Variants in RGS6 observed in about 807,000 individuals in gnomAD.
The protein encoded by RGS6 is regulator of G-protein signaling 6.
In RGS6, 30 loss-of-function variants were observed where a neutral mutation model predicts 78.5. The ratio of observed to expected loss-of-function variants is 0.38; its 90% confidence interval spans 0.29 to 0.52. The LOEUF (loss-of-function observed/expected upper bound fraction) is 0.52, where lower values mean the gene tolerates loss of function less well. RGS6 is among the 20% of genes least tolerant of loss of function. The pLI is 0.85. For synonymous variants in RGS6, 206 were observed against 206.0 expected (o/e 1.00, Z 0.00); for missense variants, 495 against 609.7 (o/e 0.81, Z 1.98).
the RGS6 span, among the ~76,000 whole-genome samples, chr14:72,605,817 C>T: frequency 1.3e-5 from 2 of 152,326 alleles, no homozygotes; most frequent in Admixed American, 6.5e-5. Flanking sequence ...GTCATGGGAC[C>T]GAGGTGACCT....
intron 3 of RGS6, among the ~76,000 whole-genome samples, chr14:72,429,984 C>A (rs2094563241): frequency 6.6e-6 from 1 of 152,228 alleles, no homozygotes; most frequent in Non-Finnish European, 1.5e-5. Context: ...TTCTCTTTCA[C>A]CTTCTGCCAC....
chr14:72,048,605 G>A (rs2093028030), intron 2 of RGS6, among the ~76,000 whole-genome samples: 1 of 152,124 alleles, frequency 6.6e-6, no homozygotes, highest in Non-Finnish European at 1.5e-5. Context: ...CTTATCAGGG[G>A]TTCTTAAAGG....
chr14:72,149,323 T>C (rs868818027), intron 2 of RGS6, among the ~76,000 whole-genome samples: 1 of 152,296 alleles, frequency 6.6e-6, no homozygotes, highest in Middle Eastern at 3.4e-3. Flanking sequence ...CCCAGCCATA[T>C]TCAGGGTAAG....
At chr14:72,131,637 CAACT>C (rs1486609863) in intron 2 of RGS6, among the ~76,000 whole-genome samples, 1 of 152,116 alleles carries the variant, frequency 6.6e-6, no homozygotes, top group African/African-American at 2.4e-5. Context: ...AGGCAACAAC[CAACT>C]AACTGTGCCT....
At chr14:72,530,125 G>A (rs1389909168) in intron 15 of RGS6, among the ~76,000 whole-genome samples, 1 of 152,196 alleles carries the variant, frequency 6.6e-6, no homozygotes, top group East Asian at 1.9e-4. Context: ...GGGGAATTTG[G>A]TGCTGAGCCA....
At chr14:71,976,270 AATT>A (rs2094122650) in intron 2 of RGS6, among the ~76,000 whole-genome samples, 1 of 120,632 alleles carries the variant, frequency 8.3e-6, no homozygotes, top group South Asian at 2.5e-4. Context: ...TATTTTTTTT[AATT>A]ATTATACTTT....
intron 1 of RGS6, among the ~76,000 whole-genome samples, chr14:71,955,408 C>A (rs2092705529): frequency 6.6e-6 from 1 of 152,092 alleles, no homozygotes; most frequent in Admixed American, 6.5e-5. Flanking sequence ...TAATTCGGGG[C>A]AAGTCCGTAG....
At chr14:72,294,841 C>T (rs1981604) in intron 2 of RGS6, among the ~76,000 whole-genome samples, 10,220 of 152,194 alleles carry the variant, frequency 0.067, 516 homozygotes, top group East Asian at 0.3. Flanking sequence ...CACCTCTTAC[C>T]AGGCCCTATC....
chr14:72,267,404 C>T (rs1436930869), intron 2 of RGS6, among the ~76,000 whole-genome samples: 1 of 152,214 alleles, frequency 6.6e-6, no homozygotes, highest in Non-Finnish European at 1.5e-5. Context: ...GTAGCTGTGG[C>T]TGCTTTCACA....
chr14:72,353,055 T>C (rs2079448558), intron 3 of RGS6, among the ~76,000 whole-genome samples: 1 of 152,202 alleles, frequency 6.6e-6, no homozygotes, highest in Non-Finnish European at 1.5e-5. Context: ...CAAGTGGTGG[T>C]GAGCATGTGA....
chr14:72,326,926 C>G (rs1328982790), intron 2 of RGS6, among the ~76,000 whole-genome samples: 1 of 152,160 alleles, frequency 6.6e-6, no homozygotes, highest in Non-Finnish European at 1.5e-5. Flanking sequence ...CCAGGATGGT[C>G]TCAATCTCCT....
intron 2 of RGS6, among the ~76,000 whole-genome samples, chr14:72,332,566 A>G (rs1283061782): frequency 6.6e-6 from 1 of 152,138 alleles, no homozygotes; most frequent in Admixed American, 6.5e-5. Context: ...CTGGAAACCC[A>G]TCTGCCTCAT....
At chr14:72,200,470 G>A (rs761303788) in intron 2 of RGS6, among the ~76,000 whole-genome samples, 1 of 152,144 alleles carries the variant, frequency 6.6e-6, no homozygotes. Context: ...TTCTTCCAAG[G>A]GTGTTTGCAC....
chr14:72,406,957 A>G (rs757249086), intron 3 of RGS6, among the ~76,000 whole-genome samples: 5 of 152,228 alleles, frequency 3.3e-5, no homozygotes, highest in Non-Finnish European at 7.3e-5. Flanking sequence ...AGATATCTCC[A>G]TGTAACATTA....
chr14:72,258,958 A>G (rs1344540020), intron 2 of RGS6, among the ~76,000 whole-genome samples: 5 of 152,052 alleles, frequency 3.3e-5, no homozygotes, highest in Admixed American at 2.0e-4. Context: ...TGGAAACCTT[A>G]TTTTCTTTAA....
chr14:72,155,512 A>G (rs1455366272), intron 2 of RGS6, among the ~76,000 whole-genome samples: 1 of 152,204 alleles, frequency 6.6e-6, no homozygotes, highest in African/African-American at 2.4e-5. Flanking sequence ...CAATTGTGTC[A>G]TTTCAGGAGA....
intron 2 of RGS6, among the ~76,000 whole-genome samples, chr14:72,184,099 A>G (rs2097207583): frequency 6.6e-6 from 1 of 152,048 alleles, no homozygotes; most frequent in African/African-American, 2.4e-5. Context: ...TTGTCCCTAC[A>G]CCTTGCCTCT....
In RGS6 at chr14:72,310,461, G is replaced by GT. The variant is rs568935270; in HGVS notation, c.85-41629dup. 2.3e-4 allele frequency among the ~76,000 whole-genome samples: 35 copies of GT among 152,272 alleles called. 1 individual carries two copies. In the East Asian group the frequency reaches 6.8e-3, roughly 29 times the overall value. The stretch of plus-strand genomic sequence containing the variant: ...ATGTCTGCTGCCCATCCCTTAGAGT[G>GT]TTTTTCTTTGCTTTCTATTTAGTCA... On this transcript the variant is annotated intron_variant, in intron 2 of 17. Coordinates refer to ENST00000553525, the MANE Select transcript of RGS6 (RefSeq NM_001204424.2).
At chr14:71,876,473 C>CTTTTTTTTTTTTTTTTTT in the RGS6 span, among the ~76,000 whole-genome samples, 1 of 72,490 alleles carries the variant, frequency 1.4e-5, no homozygotes, top group Non-Finnish European at 2.5e-5. Flanking sequence ...GCAACCGCTG[C>CTTTTTTTTTTTTTTTTTT]TTTTTTTTTT....
Sources: gnomAD v4.1 joint callset for allele counts (sites outside exome capture counted in the v4.1 genomes callset) on GRCh38, gnomAD v4.1.1 for gene constraint, MANE v1.5 for transcripts, NCBI Gene and HGNC (gene_info 2026-07-23, HGNC 2026-07-21) for gene names.